Variants in EPHA3 observed in about 807,000 individuals in gnomAD.
EPHA3 encodes the protein EPH receptor A3.
EPHA3 carries 42 observed loss-of-function variants against 107.1 expected under a neutral mutation model. That is an observed-to-expected ratio of 0.39 (90% CI 0.31 to 0.51). EPHA3 has a LOEUF of 0.51. Ranked by LOEUF, EPHA3 falls within the 20% of genes least tolerant of loss-of-function variation. The pLI, the probability that EPHA3 is intolerant of heterozygous loss-of-function variation, is 0.78. For synonymous variants in EPHA3, 461 were observed against 424.8 expected (o/e 1.09, Z -1.05); for missense variants, 1,183 against 1,211.2 (o/e 0.98, Z 0.35).
chr3:89,408,045 G>T (rs1484295549), intron 8 of EPHA3, 22 bp from the exon 9 acceptor site: 1 of 1,610,456 alleles, frequency 6.2e-7, no homozygotes, highest in South Asian at 1.1e-5. Flanking sequence ...TTATGTGTTC[G>T]CTTTCCTTGA....
At position 89,472,593 on chromosome 3, in the gene EPHA3, T is replaced by C. The variant is rs1187803019; in HGVS notation, c.2820T>C (p.Cys940=). ...EIFTGVEYSS[C]DTIAKISTDD... Reference sequence around the variant, plus strand: ...TCACGGGTGTGGAGTACAGTTCTTGTGACACAATAGCCAAGATTTCCACAG... The same window carrying C: ...TCACGGGTGTGGAGTACAGTTCTTGCGACACAATAGCCAAGATTTCCACAG... The change falls in exon 16 of 17, where the codon TGT becomes TGC. Residue 940 remains cysteine, a synonymous_variant. Transcript: ENST00000336596. 1 of 1,612,764 alleles carries C rather than the reference T, an allele frequency of 6.2e-7. No homozygotes were observed. Among genetic ancestry groups the C allele is most frequent in the South Asian group, 1.1e-5 (1 of 90,896 alleles).
chr3:89,478,333 A>C lies in EPHA3; in HGVS notation c.2847-1064A>C, dbSNP rs544479564. 2.3e-4 allele frequency among the ~76,000 whole-genome samples: 35 copies of C among 152,354 alleles called. 1 individual carries two copies. The East Asian group carries it at 6.4e-3, about 28-fold the overall frequency. ...TGCACAGCAGCCTCCCCGAAAACTT[A>C]AAGGCTAAAACAGCAAGAGGTTTAT... On this transcript the variant is annotated intron_variant, in intron 16 of 16. Coordinates refer to ENST00000336596, the MANE Select transcript of EPHA3 (RefSeq NM_005233.6).
chr3:89,147,337 A>G (rs952541800), intron 2 of EPHA3, among the ~76,000 whole-genome samples: 6 of 151,828 alleles, frequency 4.0e-5, no homozygotes, highest in African/African-American at 1.2e-4. Context: ...GTATCCCAGA[A>G]CGTAAAGGAA....
At chr3:89,172,065 G>A (rs181169341) in intron 2 of EPHA3, among the ~76,000 whole-genome samples, 14 of 148,554 alleles carry the variant, frequency 9.4e-5, no homozygotes, top group Admixed American at 6.8e-4. Context: ...CCCCCTTTAC[G>A]TCTGAAGCCA....
chr3:89,113,620 G>C (rs1707174769), intron 1 of EPHA3, among the ~76,000 whole-genome samples: 1 of 150,470 alleles, frequency 6.6e-6, no homozygotes, highest in Non-Finnish European at 1.5e-5. Flanking sequence ...AGGTTTTAAA[G>C]CCAATGTTAA....
At chr3:89,258,830 C>A (rs1705347238) in intron 3 of EPHA3, among the ~76,000 whole-genome samples, 1 of 152,052 alleles carries the variant, frequency 6.6e-6, no homozygotes, top group African/African-American at 2.4e-5. Flanking sequence ...CATGTGACAA[C>A]AAAAGGAGGA....
intron 3 of EPHA3, among the ~76,000 whole-genome samples, chr3:89,253,931 T>A (rs917280701): frequency 3.9e-5 from 6 of 152,026 alleles, no homozygotes; most frequent in Admixed American, 2.0e-4. Flanking sequence ...TTAAATATAC[T>A]GTAAGTTTTA....
chr3:89,280,406 G>A (rs1219510955), intron 3 of EPHA3, among the ~76,000 whole-genome samples: 1 of 152,060 alleles, frequency 6.6e-6, no homozygotes, highest in African/African-American at 2.4e-5. Context: ...AAATGGGGTT[G>A]GGGTTAGGCA....
At chr3:89,250,417 T>C (rs1261787435) in intron 3 of EPHA3, among the ~76,000 whole-genome samples, 2 of 152,224 alleles carry the variant, frequency 1.3e-5, no homozygotes, top group Non-Finnish European at 2.9e-5. Flanking sequence ...TGCTATTTTG[T>C]TTTCTGTCTC....
At chr3:89,279,186 A>G (rs776114813) in intron 3 of EPHA3, among the ~76,000 whole-genome samples, 1 of 152,114 alleles carries the variant, frequency 6.6e-6, no homozygotes, top group Non-Finnish European at 1.5e-5. Flanking sequence ...TGTTCCTTAG[A>G]GTTTTTTTTA....
chr3:89,239,112 T>A (rs1336651037), intron 3 of EPHA3, among the ~76,000 whole-genome samples: 1 of 152,172 alleles, frequency 6.6e-6, no homozygotes, highest in African/African-American at 2.4e-5. Flanking sequence ...TTGGTCCTTC[T>A]AGGCTTTGTA....
chr3:89,193,080 G>A (rs1267374718), intron 2 of EPHA3, among the ~76,000 whole-genome samples: 1 of 151,980 alleles, frequency 6.6e-6, no homozygotes, highest in African/African-American at 2.4e-5. Context: ...GTAAATAGAG[G>A]TATAATTGCA....
At position 89,307,624 on chromosome 3, in the gene EPHA3, G is replaced by A. The variant is rs187369176; in HGVS notation, c.815-33292G>A. On this transcript the variant is annotated intron_variant, in intron 3 of 16. Coordinates refer to ENST00000336596, the MANE Select transcript of EPHA3 (RefSeq NM_005233.6). The stretch of plus-strand genomic sequence containing the variant: ...GCTGCTCAGGCTGAAGTGCAGTGGC[G>A]CAATCACAGCTCACTGCAGCCTCAA... Among the ~76,000 whole-genome samples the A allele has an allele frequency of 4.6e-5, 7 of 152,078 alleles. 1 individual carries two copies. Among genetic ancestry groups the A allele is most frequent in the South Asian group, 4.2e-4 (2 of 4,810 alleles).
At chr3:89,275,987 G>A (rs1705795707) in intron 3 of EPHA3, among the ~76,000 whole-genome samples, 1 of 152,002 alleles carries the variant, frequency 6.6e-6, no homozygotes, top group Non-Finnish European at 1.5e-5. Context: ...GAAGGTGTCT[G>A]AACTAGAACC....
intron 2 of EPHA3, among the ~76,000 whole-genome samples, chr3:89,179,366 G>C (rs568824744): frequency 6.6e-6 from 1 of 151,972 alleles, no homozygotes; most frequent in African/African-American, 2.4e-5. Flanking sequence ...CTTTAAAAAG[G>C]AGGGGAACTT....
intron 1 of EPHA3, among the ~76,000 whole-genome samples, chr3:89,117,504 G>C (rs1367726273): frequency 6.6e-6 from 1 of 151,998 alleles, no homozygotes; most frequent in Non-Finnish European, 1.5e-5. Context: ...GAAAGTCTGG[G>C]AAGCTAATTT....
Position 89,363,327 on chromosome 3 carries a change from T to C in EPHA3, c.1306+21237T>C, listed in dbSNP as rs576267787. Among the ~76,000 whole-genome samples, 4 of 150,576 alleles carry C rather than the reference T, an allele frequency of 2.7e-5. No homozygotes were observed. The South Asian group carries it at 8.4e-4, about 32-fold the overall frequency. On this transcript the variant is annotated intron_variant, in intron 5 of 16. Transcript: ENST00000336596. ...GAGAGAGAGAGTTTAAGGAATAGGC[T>C]CATGTGATTGTGGAGGCTGCCAAAT...
At chr3:89,201,008 T>C (rs1705955674) in intron 2 of EPHA3, among the ~76,000 whole-genome samples, 1 of 152,154 alleles carries the variant, frequency 6.6e-6, no homozygotes, top group Non-Finnish European at 1.5e-5. Flanking sequence ...TGTTTTCACG[T>C]TGCTATAAAA....
At chr3:89,219,688 GTTTTTTTTTTTTT>G (rs1553666928) in intron 3 of EPHA3, among the ~76,000 whole-genome samples, 408 of 34,198 alleles carry the variant, frequency 0.012, 64 homozygotes, top group Non-Finnish European at 0.017. Context: ...ATTTGGCAAT[GTTTTTTTTTTTTT>G]TGTTTTTTGT....
Sources: gnomAD v4.1 joint callset for allele counts (sites outside exome capture counted in the v4.1 genomes callset) on GRCh38, gnomAD v4.1.1 for gene constraint, MANE v1.5 for transcripts, NCBI Gene and HGNC (gene_info 2026-07-23, HGNC 2026-07-21) for gene names.